The following DOCK8 variants were observed in gnomAD, a reference collection of about 807,000 sequenced individuals.
The protein encoded by DOCK8 is dedicator of cytokinesis 8.
Under a neutral mutation model 245.6 loss-of-function variants are expected in DOCK8, and 141 were observed. That is an observed-to-expected ratio of 0.57 (90% confidence interval 0.50 to 0.66). The LOEUF (loss-of-function observed/expected upper bound fraction) is 0.66. Ranked by LOEUF, DOCK8 falls within the 30% of genes least tolerant of loss-of-function variation. The pLI, the probability that DOCK8 is intolerant of heterozygous loss-of-function variation, is 0.00. For synonymous variants in DOCK8, 1,168 were observed against 970.2 expected (o/e 1.20, Z -3.79); for missense variants, 2,965 against 2,603.4 (o/e 1.14, Z -3.02).
chr9:334,844 G>A (rs535640602), intron 11 of DOCK8, among the ~76,000 whole-genome samples: 3 of 152,266 alleles, frequency 2.0e-5, no homozygotes, highest in East Asian at 3.9e-4. Flanking sequence ...CACTTTGGGA[G>A]GCCGAGGTAG....
rs200201944 is a variant in DOCK8 at position 340,265 on chromosome 9, C to G, written c.1623C>G (p.His541Gln). 1.9e-4 allele frequency: 305 copies of G among 1,614,050 alleles called. No homozygotes were observed. Among genetic ancestry groups the G allele is most frequent in the Middle Eastern group, 1.3e-3 (8 of 6,084 alleles). The change falls in exon 14 of 48, where the codon CAC becomes CAG. Residue 541 changes from histidine to glutamine, a missense_variant. By Grantham distance (24) the His-to-Gln change is conservative. Transcript: ENST00000432829. ...KPFPENRTRP[H>Q]KEILEFPTRE... is the part of the protein sequence containing the mutation. ...TTCCTGAAAACCGGACACGCCCGCA[C>G]AAAGAGATTTTGGAATTTCCAACAC...
chr9:299,401 A>G (rs1016221429), intron 4 of DOCK8, among the ~76,000 whole-genome samples: 12 of 152,116 alleles, frequency 7.9e-5, no homozygotes. Context: ...AGCTGAGACT[A>G]CAGGCAGGTG....
intron 43 of DOCK8, among the ~76,000 whole-genome samples, chr9:444,631 C>G (rs1164902922): frequency 6.6e-6 from 1 of 152,148 alleles, no homozygotes; most frequent in East Asian, 1.9e-4. Context: ...AGAGGTCATC[C>G]AGTTCCTACC....
chr9:458,715 G>C (rs929511955), intron 46 of DOCK8, among the ~76,000 whole-genome samples: 8 of 152,176 alleles, frequency 5.3e-5, no homozygotes, highest in Non-Finnish European at 1.0e-4. Context: ...GGAAGCTGAG[G>C]TGGGAGGATC....
intron 28 of DOCK8, among the ~76,000 whole-genome samples, chr9:414,486 C>G (rs976878207): frequency 3.3e-5 from 5 of 151,854 alleles, no homozygotes; most frequent in Non-Finnish European, 5.9e-5. Flanking sequence ...GGTTAGAACA[C>G]AGGCAGTCTG....
rs772369184 is a variant in DOCK8, at chr9:451,971, ATATATATTTTTTTTTTTTT to A, written c.5962-38_5962-20del. 86 of 401,336 alleles carry A rather than the reference ATATATATTTTTTTTTTTTT, an allele frequency of 2.1e-4. No homozygotes were observed. The African/African-American group carries it at 3.2e-3, about 15-fold the overall frequency. The allele number at this position is 401,336 out of a possible 1,614,324, so 24.9% of individuals were successfully genotyped here. A position where few individuals can be genotyped will look rare whatever the true frequency, so the allele number is the denominator to read the frequency against. On this transcript the variant is annotated intron_variant, in intron 45 of 47. Coordinates refer to ENST00000432829, the MANE Select transcript of DOCK8 (RefSeq NM_203447.4). ...TGTGTGTGTGTATATATATATATAT[ATATATATTTTTTTTTTTTT>A]TTTTTTTTTTTTCCCACCAGGGACC...
At position 261,997 on chromosome 9, in the gene DOCK8, G is replaced by GAGAAAGAAAGAAAGAAAGAAAGAA. The variant is rs149792134; in HGVS notation, c.54-9614_54-9591dup. Among the ~76,000 whole-genome samples the GAGAAAGAAAGAAAGAAAGAAAGAA allele has an allele frequency of 3.2e-3, 468 of 146,844 alleles. 2 individuals carry two copies. The highest frequency in any genetic ancestry group is 4.0e-3 in the African/African-American group (161 of 39,768). On this transcript the variant is annotated intron_variant, in intron 1 of 47. Transcript: ENST00000432829. ...TTTAAAATGTGTCAAAAGAAAGAAG[G>GAGAAAGAAAGAAAGAAAGAAAGAA]AGAAAGAAAGAAAGAAAGAAAGAAA...
At chr9:350,853 C>G (rs1161211080) in intron 14 of DOCK8, among the ~76,000 whole-genome samples, 1 of 152,110 alleles carries the variant, frequency 6.6e-6, no homozygotes, top group African/African-American at 2.4e-5. Context: ...ACTCTGGTGC[C>G]AAAGAATGGA....
chr9:314,411 T>G (rs573992313), intron 6 of DOCK8: 1 of 152,246 alleles, frequency 6.6e-6, no homozygotes, highest in African/African-American at 2.4e-5. Flanking sequence ...AGTGTCTCCC[T>G]GGTGGTATTA....
chr9:355,751 T>C (rs1424476764), intron 14 of DOCK8, among the ~76,000 whole-genome samples: 1 of 152,180 alleles, frequency 6.6e-6, no homozygotes, highest in African/African-American at 2.4e-5. Context: ...TTTCTCCTCT[T>C]GCACAGCACC....
intron 37 of DOCK8, among the ~76,000 whole-genome samples, chr9:432,967 G>C (rs1280436780): frequency 6.6e-6 from 1 of 152,214 alleles, no homozygotes; most frequent in African/African-American, 2.4e-5. Flanking sequence ...CTCCTAGCCT[G>C]CTCTATGGTA....
chr9:403,943 T>G (rs1410384499), intron 26 of DOCK8, among the ~76,000 whole-genome samples: 1 of 84,504 alleles, frequency 1.2e-5, no homozygotes, highest in Non-Finnish European at 2.0e-5. Context: ...TATATATATA[T>G]GTGTATATAT....
chr9:395,609 G>A (rs1322088068), intron 24 of DOCK8, among the ~76,000 whole-genome samples: 1 of 151,968 alleles, frequency 6.6e-6, no homozygotes, highest in Non-Finnish European at 1.5e-5. Context: ...ACATGAAAAC[G>A]TTTTCAGAGT....
At chr9:392,551 C>A (rs1436067745) in intron 24 of DOCK8, among the ~76,000 whole-genome samples, 1 of 152,216 alleles carries the variant, frequency 6.6e-6, no homozygotes, top group East Asian at 1.9e-4. Context: ...CCTGTCTTCT[C>A]AGGTGACTTC....
intron 35 of DOCK8, 102 bp downstream of exon 35, chr9:428,598 T>A: frequency 7.0e-7 from 1 of 1,429,856 alleles, no homozygotes; most frequent in Non-Finnish European, 9.7e-7. Context: ...CAGAGCATAT[T>A]AAGTGGCATC....
intron 46 of DOCK8, among the ~76,000 whole-genome samples, chr9:459,434 A>G (rs1398162711): frequency 6.6e-6 from 1 of 152,218 alleles, no homozygotes; most frequent in Non-Finnish European, 1.5e-5. Flanking sequence ...TTTCTTTATA[A>G]AACATCACAT....
intron 1 of DOCK8, among the ~76,000 whole-genome samples, chr9:216,220 A>C (rs2046747671): frequency 1.3e-5 from 2 of 152,110 alleles, no homozygotes; most frequent in African/African-American, 4.8e-5. Flanking sequence ...GTTGGAGGCC[A>C]AAAGGTACTA....
At chr9:378,873 T>A (rs1249534459) in intron 20 of DOCK8, among the ~76,000 whole-genome samples, 1 of 152,224 alleles carries the variant, frequency 6.6e-6, no homozygotes, top group African/African-American at 2.4e-5. Context: ...ATGGGAAGGA[T>A]TCCAGCTTTC....
chr9:447,361 T>C (rs1217360125), intron 44 of DOCK8, among the ~76,000 whole-genome samples: 4 of 152,236 alleles, frequency 2.6e-5, no homozygotes, highest in African/African-American at 9.6e-5. Flanking sequence ...GTGGGTTTGC[T>C]GATCACAATT....
Sources: gnomAD v4.1 joint callset for allele counts (sites outside exome capture counted in the v4.1 genomes callset) on GRCh38, gnomAD v4.1.1 for gene constraint, MANE v1.5 for transcripts, NCBI Gene and HGNC (gene_info 2026-07-23, HGNC 2026-07-21) for gene names.